NRG2: variants seen among roughly 807,000 people sequenced by gnomAD.
The protein encoded by NRG2 is neuregulin 2.
A neutral mutation model predicts 73.9 loss-of-function variants in NRG2; 27 were observed. That is an observed-to-expected ratio of 0.37 (90% CI 0.27 to 0.50). NRG2 has a LOEUF of 0.50. NRG2 is among the 20% of genes least tolerant of loss of function. The pLI, the probability that NRG2 is intolerant of heterozygous loss-of-function variation, is 0.96. For synonymous variants in NRG2, 532 were observed against 541.0 expected (o/e 0.98, Z 0.23); for missense variants, 1,126 against 1,210.1 (o/e 0.93, Z 1.03).
intron 1 of NRG2, among the ~76,000 whole-genome samples, chr5:139,917,532 G>A (rs1003349384): frequency 6.6e-6 from 1 of 152,144 alleles, no homozygotes; most frequent in Admixed American, 6.5e-5. Flanking sequence ...GATTACAGGT[G>A]TAAGCCACTG....
At chr5:139,973,777 G>A (rs889073636) in intron 1 of NRG2, among the ~76,000 whole-genome samples, 4 of 152,190 alleles carry the variant, frequency 2.6e-5, no homozygotes, top group Non-Finnish European at 5.9e-5. Flanking sequence ...TGTCTGGTGA[G>A]GGCCCATTTC....
chr5:139,993,888 G>A (rs1209716694), intron 1 of NRG2, among the ~76,000 whole-genome samples: 1 of 152,136 alleles, frequency 6.6e-6, no homozygotes, highest in Non-Finnish European at 1.5e-5. Flanking sequence ...ATATATGAAA[G>A]GACGCAAGCC....
At chr5:139,986,327 C>T (rs575371031) in intron 1 of NRG2, among the ~76,000 whole-genome samples, 4 of 152,300 alleles carry the variant, frequency 2.6e-5, no homozygotes, top group African/African-American at 9.6e-5. Flanking sequence ...ACCCCAGGAC[C>T]TTGCACTAGA....
intron 1 of NRG2, among the ~76,000 whole-genome samples, chr5:140,019,051 T>C (rs1760014052): frequency 1.3e-5 from 2 of 152,112 alleles, no homozygotes; most frequent in African/African-American, 4.8e-5. Context: ...GGGGAGGTGA[T>C]AACTAACACT....
At chr5:139,857,240 C>T (rs1292050062) in intron 5 of NRG2, among the ~76,000 whole-genome samples, 2 of 152,212 alleles carry the variant, frequency 1.3e-5, no homozygotes, top group East Asian at 3.8e-4. Flanking sequence ...CGGGCCTGGG[C>T]TCAGGTTTCT....
intron 1 of NRG2, among the ~76,000 whole-genome samples, chr5:139,964,279 G>A (rs1755310751): frequency 6.6e-6 from 1 of 152,210 alleles, no homozygotes; most frequent in Non-Finnish European, 1.5e-5. Context: ...ACTGTCTTGG[G>A]ACTTTATGTA....
At chr5:139,876,957 G>GTGTGTT (rs1763220487) in intron 3 of NRG2, among the ~76,000 whole-genome samples, 2 of 151,556 alleles carry the variant, frequency 1.3e-5, no homozygotes, top group African/African-American at 2.4e-5. Context: ...GTGTGTGTGT[G>GTGTGTT]TGTGTGTTTA....
chr5:139,974,037 A>C (rs575615347), intron 1 of NRG2, among the ~76,000 whole-genome samples: 121 of 152,258 alleles, frequency 7.9e-4, no homozygotes, highest in African/African-American at 2.8e-3. Flanking sequence ...AAAATTCAAT[A>C]GTTCTTGTGT....
At chr5:140,016,175 T>C (rs574507650) in intron 1 of NRG2, among the ~76,000 whole-genome samples, 1 of 152,188 alleles carries the variant, frequency 6.6e-6, no homozygotes, top group South Asian at 2.1e-4. Flanking sequence ...GGTTGTCACT[T>C]GTAGGAGAGG....
At chr5:139,877,403 C>T (rs182881709) in intron 3 of NRG2, among the ~76,000 whole-genome samples, 4 of 152,384 alleles carry the variant, frequency 2.6e-5, no homozygotes, top group Admixed American at 2.6e-4. Flanking sequence ...CCTGTACCCT[C>T]TTCTAGCTGC....
At chr5:139,916,996 G>A (rs1004541372) in intron 1 of NRG2, among the ~76,000 whole-genome samples, 19 of 152,150 alleles carry the variant, frequency 1.2e-4, no homozygotes, top group African/African-American at 4.6e-4. Context: ...CTGCCAGATC[G>A]TTTTCCAAAG....
intron 1 of NRG2, among the ~76,000 whole-genome samples, chr5:139,987,846 C>T (rs1757289366): frequency 6.8e-6 from 1 of 147,402 alleles, no homozygotes; most frequent in Non-Finnish European, 1.5e-5. Flanking sequence ...GCGATCTCGG[C>T]TCACTGCAAG....
At chr5:139,990,818 G>A (rs1288648910) in intron 1 of NRG2, among the ~76,000 whole-genome samples, 1 of 152,038 alleles carries the variant, frequency 6.6e-6, no homozygotes, top group African/African-American at 2.4e-5. Flanking sequence ...CTTGTTATTT[G>A]CCCATTTTTT....
intron 6 of NRG2, among the ~76,000 whole-genome samples, chr5:139,854,536 T>G (rs991111163): frequency 6.6e-6 from 1 of 152,216 alleles, no homozygotes; most frequent in African/African-American, 2.4e-5. Flanking sequence ...ATTCTTGGAC[T>G]TAGTTTTCCC....
At chr5:140,006,895 G>C (rs1425596429) in intron 1 of NRG2, among the ~76,000 whole-genome samples, 2 of 152,054 alleles carry the variant, frequency 1.3e-5, no homozygotes, top group Non-Finnish European at 2.9e-5. Flanking sequence ...CCTGCCCTAG[G>C]GTCTTCCGTG....
chr5:139,863,403 G>A (rs1762275318), intron 5 of NRG2, among the ~76,000 whole-genome samples: 1 of 152,250 alleles, frequency 6.6e-6, no homozygotes, highest in African/African-American at 2.4e-5. Context: ...AAGACACTAG[G>A]CAGAAGGGCC....
chr5:140,033,981 T>C (rs1373664816), intron 1 of NRG2, among the ~76,000 whole-genome samples: 1 of 151,234 alleles, frequency 6.6e-6, no homozygotes, highest in Admixed American at 6.6e-5. Flanking sequence ...TTTTTTGACA[T>C]GGAGTCTCGC....
At chr5:139,990,364 A>T (rs1757525685) in intron 1 of NRG2, among the ~76,000 whole-genome samples, 1 of 151,608 alleles carries the variant, frequency 6.6e-6, no homozygotes, top group Non-Finnish European at 1.5e-5. Flanking sequence ...GGGCAGTGGC[A>T]TGATCTTGGC....
chr5:139,974,960 G>A (rs531852039), intron 1 of NRG2, among the ~76,000 whole-genome samples: 1 of 152,262 alleles, frequency 6.6e-6, no homozygotes, highest in Admixed American at 6.5e-5. Context: ...TTCCTGGTCT[G>A]TATGTAGGCC....
Sources: gnomAD v4.1 joint callset for allele counts (sites outside exome capture counted in the v4.1 genomes callset) on GRCh38, gnomAD v4.1.1 for gene constraint, MANE v1.5 for transcripts, NCBI Gene and HGNC (gene_info 2026-07-23, HGNC 2026-07-21) for gene names.